Variants in RMST observed in about 807,000 individuals in gnomAD.
RMST encodes rhabdomyosarcoma 2 associated transcript, also known as long intergenic non-protein coding RNA 54.
chr12:97,475,389 AC>A (rs1874418898), intron 5 of RMST, among the ~76,000 whole-genome samples: 1 of 152,020 alleles, frequency 6.6e-6, no homozygotes, highest in Non-Finnish European at 1.5e-5. Flanking sequence ...TTTCTTTCTC[AC>A]CTTGGGGCTG....
At chr12:97,542,522 T>C (rs1882624788) in intron 11 of RMST, among the ~76,000 whole-genome samples, 1 of 151,910 alleles carries the variant, frequency 6.6e-6, no homozygotes, top group African/African-American at 2.4e-5. Flanking sequence ...ATGTCTTTGT[T>C]CAATATATGC....
intron 11 of RMST, among the ~76,000 whole-genome samples, chr12:97,546,059 C>T (rs1882904648): frequency 6.6e-6 from 1 of 152,096 alleles, no homozygotes; most frequent in African/African-American, 2.4e-5. Flanking sequence ...AAGAGGATGA[C>T]TTAAGTAGAG....
At chr12:97,521,796 G>T in intron 10 of RMST, among the ~76,000 whole-genome samples, 1 of 152,064 alleles carries the variant, frequency 6.6e-6, no homozygotes, top group South Asian at 2.1e-4. Flanking sequence ...TATTCAGTTT[G>T]TCTATCTCTC....
intron 5 of RMST, among the ~76,000 whole-genome samples, chr12:97,468,991 A>G (rs1477495449): frequency 6.6e-6 from 1 of 151,902 alleles, no homozygotes; most frequent in Admixed American, 6.6e-5. Flanking sequence ...AGTGATTTAT[A>G]CATCATCATG....
At chr12:97,539,173 G>A (rs1882312648) in intron 11 of RMST, among the ~76,000 whole-genome samples, 1 of 151,534 alleles carries the variant, frequency 6.6e-6, no homozygotes, top group Non-Finnish European at 1.5e-5. Flanking sequence ...GAATACTGTA[G>A]TCACCTTCAG....
At chr12:97,564,574 G>A (rs944298743) in exon 14 of RMST, 1 of 152,130 alleles carries the variant, frequency 6.6e-6, no homozygotes, top group Non-Finnish European at 1.5e-5. Flanking sequence ...TACCTTGTAG[G>A]GCTGTTGTGA....
intron 5 of RMST, among the ~76,000 whole-genome samples, chr12:97,487,437 A>C (rs1335833700): frequency 6.6e-6 from 1 of 152,208 alleles, no homozygotes; most frequent in East Asian, 1.9e-4. Context: ...AATGTCTTTA[A>C]AAGAGACCTA....
intron 11 of RMST, among the ~76,000 whole-genome samples, chr12:97,557,673 A>G (rs1202596275): frequency 6.6e-6 from 1 of 152,174 alleles, no homozygotes; most frequent in Non-Finnish European, 1.5e-5. Context: ...AATCTGGTAG[A>G]AGAACACAGT....
At chr12:97,489,500 C>T (rs4762389) in intron 5 of RMST, among the ~76,000 whole-genome samples, 54,205 of 151,600 alleles carry the variant, frequency 0.36, 10,506 homozygotes, top group African/African-American at 0.5. Context: ...GTGATAACAT[C>T]GTAAACTCTG....
At chr12:97,554,217 G>C (rs1883527004) in intron 11 of RMST, among the ~76,000 whole-genome samples, 1 of 152,020 alleles carries the variant, frequency 6.6e-6, no homozygotes, top group Admixed American at 6.6e-5. Context: ...GCCTCCCAAA[G>C]TGCTGGGATT....
At chr12:97,472,818 T>C (rs1306680582) in intron 5 of RMST, among the ~76,000 whole-genome samples, 2 of 152,138 alleles carry the variant, frequency 1.3e-5, no homozygotes, top group Admixed American at 6.6e-5. Flanking sequence ...TGGTTTTGCT[T>C]TGACCCCAAT....
intron 11 of RMST, among the ~76,000 whole-genome samples, chr12:97,549,512 T>C (rs1466305616): frequency 6.6e-6 from 1 of 152,194 alleles, no homozygotes; most frequent in East Asian, 1.9e-4. Context: ...AAGATGAGGA[T>C]TAAAGGACAT....
intron 10 of RMST, among the ~76,000 whole-genome samples, chr12:97,512,298 G>A (rs185504323): frequency 6.6e-6 from 1 of 152,294 alleles, no homozygotes; most frequent in East Asian, 1.9e-4. Context: ...AGGCAGTGGG[G>A]ACCCAAAGAG....
At chr12:97,529,301 T>C (rs559648526) in intron 10 of RMST, among the ~76,000 whole-genome samples, 1 of 152,096 alleles carries the variant, frequency 6.6e-6, no homozygotes, top group Non-Finnish European at 1.5e-5. Context: ...ACAGAGATTT[T>C]GGGCCCTCCA....
intron 9 of RMST, among the ~76,000 whole-genome samples, chr12:97,495,199 G>A (rs867496715): frequency 2.0e-5 from 3 of 151,180 alleles, no homozygotes; most frequent in Non-Finnish European, 2.9e-5. Context: ...GCTGGGAAAG[G>A]CATGCTATTC....
At chr12:97,545,856 A>G (rs1592780522) in intron 11 of RMST, among the ~76,000 whole-genome samples, 1 of 152,124 alleles carries the variant, frequency 6.6e-6, no homozygotes, top group Admixed American at 6.6e-5. Flanking sequence ...ATGGAAGAAG[A>G]GATGGATAGG....
At chr12:97,513,031 A>C (rs1484225191) in intron 10 of RMST, among the ~76,000 whole-genome samples, 1 of 152,220 alleles carries the variant, frequency 6.6e-6, no homozygotes, top group Non-Finnish European at 1.5e-5. Flanking sequence ...GGCCGCTCCA[A>C]CTGCGGGGTC....
At chr12:97,521,434 ATATG>A (rs746802239) in intron 10 of RMST, among the ~76,000 whole-genome samples, 6 of 152,276 alleles carry the variant, frequency 3.9e-5, no homozygotes, top group African/African-American at 1.4e-4. Context: ...CCCAACATAT[ATATG>A]TATGTATGTA....
chr12:97,481,708 C>G (rs1026728504), intron 5 of RMST, among the ~76,000 whole-genome samples: 1 of 152,138 alleles, frequency 6.6e-6, no homozygotes, highest in Non-Finnish European at 1.5e-5. Flanking sequence ...CTTCATTGTT[C>G]CATCCGTGCA....
Sources: gnomAD v4.1 joint callset for allele counts (sites outside exome capture counted in the v4.1 genomes callset) on GRCh38, gnomAD v4.1.1 for gene constraint, MANE v1.5 for transcripts, NCBI Gene and HGNC (gene_info 2026-07-23, HGNC 2026-07-21) for gene names.